The following NCS1 variants were observed in gnomAD, a reference collection of about 807,000 sequenced individuals.
The protein encoded by NCS1 is frequenin homolog.
NCS1 carries 6 observed loss-of-function variants against 28.4 expected under a neutral mutation model. The observed-to-expected ratio is 0.21, with a 90% CI of 0.12 to 0.42. NCS1 has a LOEUF of 0.42. NCS1 is among the 10% of genes least tolerant of loss of function. NCS1 has a pLI of 1.00. For synonymous variants in NCS1, 86 were observed against 99.3 expected (o/e 0.87, Z 0.79); for missense variants, 131 against 241.4 (o/e 0.54, Z 3.03).
chr9:130,234,920 T>A lies in NCS1; in HGVS notation c.*1948T>A, dbSNP rs1182210847. On this transcript the variant is annotated 3_prime_UTR_variant, in exon 8 of 8. Coordinates refer to ENST00000372398, the MANE Select transcript of NCS1 (RefSeq NM_014286.4). This position sits in a 1 kb window ranked among gnomAD's most constrained non-coding sequence, Gnocchi z 6.1. ...GCAGAGTCAACAGCCCATCAGCCCATGTTTTAGAGGGGACACTTTGGTCCT... is the reference window on the plus strand; with the variant it reads ...GCAGAGTCAACAGCCCATCAGCCCAAGTTTTAGAGGGGACACTTTGGTCCT... 6.6e-6 allele frequency: 1 copy of A among 152,148 alleles called. No homozygotes were observed. The highest frequency in any genetic ancestry group is 6.5e-5 in the Admixed American group (1 of 15,274). The allele number at this position is 152,148 out of a possible 1,614,324, so 9.4% of individuals were successfully genotyped here.
At chr9:130,188,367 T>C (rs1438482942) in intron 1 of NCS1, among the ~76,000 whole-genome samples, 1 of 152,036 alleles carries the variant, frequency 6.6e-6, no homozygotes, top group Non-Finnish European at 1.5e-5. Flanking sequence ...GGAGCACGCC[T>C]GACCCCCTAG....
chr9:130,200,433 AC>A, intron 1 of NCS1: 1 of 742,404 alleles, frequency 1.3e-6, no homozygotes, highest in Non-Finnish European at 2.3e-6. Flanking sequence ...GCCCGGGCTG[AC>A]CACAGAGAGG....
Position 130,191,864 on chromosome 9 carries a change from G to C in NCS1, c.65-9094G>C, listed in dbSNP as rs895389753. Among the ~76,000 whole-genome samples, 2 of 152,232 alleles carry C rather than the reference G, an allele frequency of 1.3e-5. No individual in the cohort carries two copies. The highest frequency in any genetic ancestry group is 1.3e-4 in the Admixed American group (2 of 15,286). ...TGTGCCCCAGCCCAGTGCTGGACCA[G>C]TCCTGGCTGGCACTCAGCGAACTGG... On this transcript the variant is annotated intron_variant, in intron 1 of 7. Coordinates refer to ENST00000372398, the MANE Select transcript of NCS1 (RefSeq NM_014286.4). This position sits in a 1 kb window ranked among gnomAD's most constrained non-coding sequence, Gnocchi z 6.4.
chr9:130,195,107 A>G (rs1050173978), intron 1 of NCS1, among the ~76,000 whole-genome samples: 6 of 152,186 alleles, frequency 3.9e-5, no homozygotes, highest in Non-Finnish European at 7.4e-5. Flanking sequence ...TGGGCCGAGC[A>G]CCAGTCCCTC....
At chr9:130,216,003 C>T (rs1833178558) in intron 2 of NCS1, among the ~76,000 whole-genome samples, 1 of 152,186 alleles carries the variant, frequency 6.6e-6, no homozygotes, top group African/African-American at 2.4e-5. Flanking sequence ...TGGCAGGAGG[C>T]TGGGTGCCTG....
chr9:130,219,772 C>A lies in NCS1; in HGVS notation c.276C>A (p.Thr92=), dbSNP rs1554909963. The A allele has an allele frequency of 6.2e-7, 1 of 1,614,246 alleles. No individual in the cohort carries two copies. Among genetic ancestry groups the A allele is most frequent in the Non-Finnish European group, 8.5e-7 (1 of 1,180,050 alleles). ...AGTTCATCCAGGCGCTGTCGGTGAC[C>A]TCACGGGGAACCCTGGATGAGAAGC... The part of the protein sequence containing the change: ...FSEFIQALSV[T]SRGTLDEKLR... Residue 92 remains threonine (T), a synonymous_variant, in exon 4 of 8, where the codon ACC becomes ACA. Transcript: ENST00000372398. This position sits in a 1 kb window ranked among gnomAD's most constrained non-coding sequence, Gnocchi z 5.7.
rs903139296 is a variant in NCS1, at chr9:130,212,184, C to T, written c.90-5648C>T. On this transcript the variant is annotated intron_variant, in intron 2 of 7. Transcript: ENST00000372398. ...GAATCGTTCCTGGAAAGCACACGGCCGCGTGCCTGCCTCTCAGATCTCCTG... is the reference window on the plus strand; with the variant it reads ...GAATCGTTCCTGGAAAGCACACGGCTGCGTGCCTGCCTCTCAGATCTCCTG... Among the ~76,000 whole-genome samples the T allele has an allele frequency of 2.6e-5, 4 of 152,106 alleles. 1 individual carries two copies. Among genetic ancestry groups the T allele is most frequent in the Non-Finnish European group, 5.9e-5 (4 of 68,028 alleles).
chr9:130,214,930 C>T (rs782355141), intron 2 of NCS1, among the ~76,000 whole-genome samples: 11 of 152,230 alleles, frequency 7.2e-5, no homozygotes, highest in Non-Finnish European at 1.6e-4. Flanking sequence ...CCTTCACTGC[C>T]AGCCTTTCAC....
Position 130,226,163 on chromosome 9 carries a change from C to T in NCS1, c.475-226C>T, listed in dbSNP as rs1237987937. On this transcript the variant is annotated intron_variant, in intron 6 of 7. Transcript: ENST00000372398. The surrounding 1 kb of genome is among the most constrained non-coding windows in gnomAD (Gnocchi z 4.8). ...TGGAGGAAGCCAGGTAATTACCCTCCATCCCCAGGTGAAGAAACATGCCCA... is the reference window on the plus strand; with the variant it reads ...TGGAGGAAGCCAGGTAATTACCCTCTATCCCCAGGTGAAGAAACATGCCCA... 2.0e-5 allele frequency among the ~76,000 whole-genome samples: 3 copies of T among 152,250 alleles called. No homozygotes were observed. The highest frequency in any genetic ancestry group is 4.4e-5 in the Non-Finnish European group (3 of 68,048).
At chr9:130,193,004 T>C (rs1477322375) in intron 1 of NCS1, among the ~76,000 whole-genome samples, 1 of 152,196 alleles carries the variant, frequency 6.6e-6, no homozygotes, top group African/African-American at 2.4e-5. Context: ...GGCAGATCCC[T>C]GGAGTCCAGG....
chr9:130,222,628 C>T (rs782307660), intron 4 of NCS1, 22 bp from the exon 5 acceptor site: 5 of 1,610,538 alleles, frequency 3.1e-6, no homozygotes. Context: ...CAGGATCACT[C>T]AGCAGTGCTG....
In NCS1 at chr9:130,222,591, TG is replaced by T. The variant is rs1309544065; in HGVS notation, c.308-58del. On this transcript the variant is annotated intron_variant, in intron 4 of 7. Transcript: ENST00000372398. Reference sequence around the variant, plus strand: ...TGGGGTACAGAGAGGAGGGGCGAGTTGAAGACCCCTCCCCACTGCCCCAGCC... The same window carrying T: ...TGGGGTACAGAGAGGAGGGGCGAGTTAAGACCCCTCCCCACTGCCCCAGCC... The T allele has an allele frequency of 1.1e-5, 16 of 1,463,238 alleles. No homozygotes were observed. The Admixed American group carries it at 1.5e-4, about 14-fold the overall frequency. 90.6% of individuals were successfully genotyped at this position (1,463,238 alleles called of 1,614,324 possible). A position where few individuals can be genotyped will look rare whatever the true frequency, so the allele number is the denominator to read the frequency against.
chr9:130,208,906 C>A (rs142288213), intron 2 of NCS1, among the ~76,000 whole-genome samples: 57 of 152,192 alleles, frequency 3.7e-4, no homozygotes, highest in African/African-American at 1.3e-3. Flanking sequence ...AGTCTGGGTC[C>A]AGCTCGCTCT....
chr9:130,221,876 T>C (rs1554910551), intron 4 of NCS1, among the ~76,000 whole-genome samples: 1 of 484 alleles, frequency 2.1e-3, no homozygotes, highest in African/African-American at 4.3e-3. Flanking sequence ...TAAATATATA[T>C]ACATAATACA....
chr9:130,232,150 T>C lies in NCS1; in HGVS notation c.*18-840T>C, dbSNP rs567661429. ...TTGGTAGAGACCGGGTTTCACTGTG[T>C]TGGCCAAGCTGGTCTTGAACTCCTG... is the stretch of plus-strand genomic sequence containing the variant. On this transcript the variant is annotated intron_variant, in intron 7 of 7. Coordinates refer to ENST00000372398, the MANE Select transcript of NCS1 (RefSeq NM_014286.4). This position sits in a 1 kb window ranked among gnomAD's most constrained non-coding sequence, Gnocchi z 4.4. 7.4e-4 allele frequency among the ~76,000 whole-genome samples: 112 copies of C among 152,296 alleles called. No homozygotes were observed. The highest frequency in any genetic ancestry group is 2.5e-3 in the African/African-American group (105 of 41,562).
chr9:130,222,275 C>G (rs1833340962), intron 4 of NCS1, among the ~76,000 whole-genome samples: 1 of 151,770 alleles, frequency 6.6e-6, no homozygotes, highest in Non-Finnish European at 1.5e-5. Flanking sequence ...CCACCTCAAC[C>G]TCCCAAGTAG....
chr9:130,229,496 A>G (rs1375719877), intron 7 of NCS1, among the ~76,000 whole-genome samples: 2 of 151,736 alleles, frequency 1.3e-5, no homozygotes, highest in African/African-American at 4.8e-5. Context: ...CTTGTGATCC[A>G]CCCACCTCAG....
At chr9:130,231,541 G>A (rs1427476876) in intron 7 of NCS1, among the ~76,000 whole-genome samples, 3 of 151,514 alleles carry the variant, frequency 2.0e-5, no homozygotes, top group Non-Finnish European at 2.9e-5. Context: ...ACACCACCAC[G>A]CCCAGCTAAT....
In NCS1 at chr9:130,218,051, C is replaced by A. The variant is rs377686208; in HGVS notation, c.228+81C>A. 4.5e-5 allele frequency: 70 copies of A among 1,562,884 alleles called. No homozygotes were observed. In the East Asian group the frequency reaches 1.4e-3, roughly 31 times the overall value. ...GCAGCGTCTCCACACCCACTCTCTC[C>A]TGCCGATGTTCCCTTCTAGAGAAGG... On this transcript the variant is annotated intron_variant, in intron 3 of 7. Coordinates refer to ENST00000372398, the MANE Select transcript of NCS1 (RefSeq NM_014286.4).
Sources: gnomAD v4.1 joint callset for allele counts (sites outside exome capture counted in the v4.1 genomes callset) on GRCh38, gnomAD v4.1.1 for gene constraint, Gnocchi (gnomAD v3.1) non-coding constraint, MANE v1.5 for transcripts, NCBI Gene and HGNC (gene_info 2026-07-23, HGNC 2026-07-21) for gene names.